Variants in CCDC66 observed in about 807,000 individuals in gnomAD.
The protein encoded by CCDC66 is coiled-coil domain containing 66.
Under a neutral mutation model 128.3 loss-of-function variants are expected in CCDC66, and 133 were observed. The observed-to-expected ratio is 1.04, with a 90% CI of 0.90 to 1.20. The LOEUF (loss-of-function observed/expected upper bound fraction) is 1.20, where lower values mean the gene tolerates loss of function less well. CCDC66 is among the 50% of genes most tolerant of loss of function. CCDC66 has a pLI of 0.00. For missense variants in CCDC66, 1,126 were observed against 1,075.5 expected (o/e 1.05, Z -0.66); for synonymous variants, 387 against 357.0 (o/e 1.08, Z -0.95).
chr3:56,565,135 T>A, intron 4 of CCDC66: 1 of 424,144 alleles, frequency 2.4e-6, no homozygotes, highest in South Asian at 1.7e-5. Flanking sequence ...ATATTATAGC[T>A]GGGCATAGAG....
intron 10 of CCDC66, among the ~76,000 whole-genome samples, chr3:56,606,722 A>G (rs1283475825): frequency 2.0e-5 from 3 of 151,886 alleles, no homozygotes; most frequent in Non-Finnish European, 2.9e-5. Context: ...AGCTCTTCCT[A>G]TTCGGCCATC....
chr3:56,607,046 C>T (rs1255715745), intron 10 of CCDC66, among the ~76,000 whole-genome samples: 1 of 152,120 alleles, frequency 6.6e-6, no homozygotes, highest in Non-Finnish European at 1.5e-5. Flanking sequence ...TGACTGCGGC[C>T]TTATAGTATA....
At chr3:56,589,508 T>A (rs892758015) in intron 7 of CCDC66, among the ~76,000 whole-genome samples, 1 of 152,134 alleles carries the variant, frequency 6.6e-6, no homozygotes, top group Non-Finnish European at 1.5e-5. Context: ...ATGAGTTGGG[T>A]CTATTCAATG....
intron 3 of CCDC66, 54 bp downstream of exon 3, chr3:56,559,648 T>C (rs1559587513): frequency 7.4e-7 from 1 of 1,352,136 alleles, no homozygotes; most frequent in Non-Finnish European, 1.0e-6. Context: ...TGCAGTTTTA[T>C]TTATAGTGGT....
At chr3:56,566,795 T>C in intron 5 of CCDC66, 36 bp downstream of exon 5, 1 of 1,583,386 alleles carries the variant, frequency 6.3e-7, no homozygotes, top group Non-Finnish European at 8.6e-7. Context: ...TGTGTGGTCA[T>C]CTTCAGAATA....
intron 3 of CCDC66, among the ~76,000 whole-genome samples, chr3:56,563,300 G>T (rs2065355045): frequency 6.6e-6 from 1 of 151,996 alleles, no homozygotes; most frequent in African/African-American, 2.4e-5. Context: ...GGTGGAGGTT[G>T]CAGTGAGCTG....
Position 56,617,553 on chromosome 3 carries a change from A to C in CCDC66, c.2285A>C (p.His762Pro). The change falls in exon 14 of 18, where the codon CAT (histidine) becomes CCT (proline). Residue 762 changes from histidine to proline, a missense_variant. His to Pro is a moderately conservative substitution (Grantham distance 77, BLOSUM62 -2). Transcript: ENST00000394672. Reference protein sequence around the residue: ...QNRGISPEIFHSSHQETESKL... With the variant: ...QNRGISPEIFPSSHQETESKL... Reference sequence around the variant, plus strand: ...AGAGGCATTTCACCAGAAATTTTTCATTCATCTCATCAAGAAACGGAGTCA... The same window carrying C: ...AGAGGCATTTCACCAGAAATTTTTCCTTCATCTCATCAAGAAACGGAGTCA... 1.2e-6 allele frequency: 2 copies of C among 1,610,084 alleles called. No homozygotes were observed. Among genetic ancestry groups the C allele is most frequent in the Non-Finnish European group, 1.7e-6 (2 of 1,179,106 alleles).
chr3:56,582,195 G>C (rs984585264), intron 7 of CCDC66, among the ~76,000 whole-genome samples: 1 of 151,938 alleles, frequency 6.6e-6, no homozygotes, highest in Non-Finnish European at 1.5e-5. Flanking sequence ...GGCTCCGTGG[G>C]CGTGGGACCC....
intron 7 of CCDC66, among the ~76,000 whole-genome samples, chr3:56,574,564 T>C (rs1380380637): frequency 6.6e-6 from 1 of 151,734 alleles, no homozygotes; most frequent in African/African-American, 2.4e-5. Context: ...CTCCATATAA[T>C]TGGGAGGGAA....
chr3:56,605,385 G>T lies in CCDC66; in HGVS notation c.1405-8204G>T, dbSNP rs139374271. Among the ~76,000 whole-genome samples, 373 of 152,102 alleles carry T rather than the reference G, an allele frequency of 2.5e-3. 6 individuals are homozygous for T. Among genetic ancestry groups the T allele is most frequent in the African/African-American group, 8.5e-3 (352 of 41,412 alleles). ...TTGGAATTTTCAGTCTTTTTGTGCT[G>T]GTTTCTCCCCATCTTCATGGATTTA... On this transcript the variant is annotated intron_variant, in intron 10 of 17. Transcript: ENST00000394672.
intron 10 of CCDC66, among the ~76,000 whole-genome samples, chr3:56,607,691 G>A (rs1009311346): frequency 1.3e-5 from 2 of 152,176 alleles, no homozygotes; most frequent in Non-Finnish European, 2.9e-5. Flanking sequence ...GAGGAGTGAT[G>A]AGAGTGGGCA....
At chr3:56,585,227 T>C (rs562301718) in intron 7 of CCDC66, among the ~76,000 whole-genome samples, 1 of 151,786 alleles carries the variant, frequency 6.6e-6, no homozygotes, top group South Asian at 2.1e-4. Flanking sequence ...ATTGAAGTGG[T>C]CCAGGAAATC....
chr3:56,580,569 A>C lies in CCDC66; in HGVS notation c.936+9267A>C, dbSNP rs2068184679. On this transcript the variant is annotated intron_variant, in intron 7 of 17. Coordinates refer to ENST00000394672, the MANE Select transcript of CCDC66 (RefSeq NM_001141947.3). ...GTACCGGTTGTTCCTTTCCATGTTT[A>C]GTGCTTCCTTCAGGAGCTCTTGTAA... Among the ~76,000 whole-genome samples, 2 of 151,896 alleles carry C rather than the reference A, an allele frequency of 1.3e-5. 1 individual carries two copies. The highest frequency in any genetic ancestry group is 3.9e-4 in the East Asian group (2 of 5,068).
At position 56,558,842 on chromosome 3, in the gene CCDC66, A is replaced by C. The variant is rs1212060604; in HGVS notation, c.12-4A>C. The C allele has an allele frequency of 6.5e-7, 1 of 1,544,208 alleles. No homozygotes were observed. Among genetic ancestry groups the C allele is most frequent in the Admixed American group, 2.0e-5 (1 of 50,928 alleles). ...TGAGAGACAACTTTCTTTTTTTATTACAGAGATGGTTTAAAGCTTGAAACT... is the reference window on the plus strand; with the variant it reads ...TGAGAGACAACTTTCTTTTTTTATTCCAGAGATGGTTTAAAGCTTGAAACT... On this transcript the variant is annotated splice_region_variant and splice_polypyrimidine_tract_variant and intron_variant, in intron 1 of 17. Coordinates refer to ENST00000394672, the MANE Select transcript of CCDC66 (RefSeq NM_001141947.3).
chr3:56,619,968 T>C (rs937993867), intron 17 of CCDC66, 67 bp downstream of exon 17: 1 of 1,530,012 alleles, frequency 6.5e-7, no homozygotes, highest in Admixed American at 2.0e-5. Flanking sequence ...GGGAACCTGT[T>C]GAACGGTTTG....
At chr3:56,620,585 CAG>C (rs776086689) in intron 17 of CCDC66, 36 of 152,314 alleles carry the variant, frequency 2.4e-4, no homozygotes, top group African/African-American at 8.2e-4. Flanking sequence ...AATGTTGACT[CAG>C]ATGTTTTTCC....
intron 17 of CCDC66, chr3:56,620,526 A>G: frequency 6.6e-6 from 1 of 152,312 alleles, no homozygotes; most frequent in South Asian, 2.1e-4. Context: ...GCTGTGTTTA[A>G]AAGTGCCCTT....
chr3:56,584,937 T>G (rs955276870), intron 7 of CCDC66, among the ~76,000 whole-genome samples: 2 of 151,712 alleles, frequency 1.3e-5, no homozygotes, highest in Non-Finnish European at 2.9e-5. Flanking sequence ...CAAAAAAATA[T>G]GAAAACCAGT....
At chr3:56,580,506 G>C (rs544838154) in intron 7 of CCDC66, among the ~76,000 whole-genome samples, 2 of 151,726 alleles carry the variant, frequency 1.3e-5, no homozygotes, top group Admixed American at 1.3e-4. Context: ...TCCTAGCCTC[G>C]ATGGTCTTTA....
Sources: allele counts gnomAD v4.1 joint callset (sites outside exome capture counted in the v4.1 genomes callset), GRCh38; gene constraint gnomAD v4.1.1; transcripts MANE v1.5; gene names NCBI Gene and HGNC (gene_info 2026-07-23, HGNC 2026-07-21).